STAU2: variants seen among roughly 807,000 people sequenced by gnomAD.
The protein encoded by STAU2 is double-stranded RNA-binding protein Staufen homolog 2.
STAU2 carries 20 observed loss-of-function variants against 65.9 expected under a neutral mutation model. That is an observed-to-expected ratio of 0.30 (90% CI 0.21 to 0.44). The LOEUF (loss-of-function observed/expected upper bound fraction) is 0.44, where lower values mean the gene tolerates loss of function less well. Among genes scored for constraint, STAU2 ranks in the 20% least tolerant of loss-of-function variants. The probability of loss-of-function intolerance (pLI) is 1.00; values close to 1 mark genes in which losing one functional copy is unlikely to be tolerated. For missense variants in STAU2, 558 were observed against 683.9 expected, an observed-to-expected ratio of 0.82 and a Z score of 2.05; for synonymous variants, 232 against 233.9, an observed-to-expected ratio of 0.99 and a Z score of 0.07.
chr8:73,564,602 C>T (rs1808464824), intron 12 of STAU2, among the ~76,000 whole-genome samples: 1 of 151,854 alleles, frequency 6.6e-6, no homozygotes, highest in African/African-American at 2.4e-5. Flanking sequence ...TATGACAAGC[C>T]CCCATGACAC....
chr8:73,421,342 TGCGG>T lies in STAU2; in HGVS notation c.*26_*29del, dbSNP rs1463074313. ...ATGCGTGCTGACAGGTTTATAAGGA[TGCGG>T]TGGCAGCCGCGGGTTCTGGGAGCTG... On this transcript the variant is annotated 3_prime_UTR_variant, in exon 15 of 15. Coordinates refer to ENST00000524300, the MANE Select transcript of STAU2 (RefSeq NM_001164380.2). 7.8e-6 allele frequency: 12 copies of T among 1,530,928 alleles called. No individual in the cohort carries two copies. The highest frequency in any genetic ancestry group is 1.4e-5 in the African/African-American group (1 of 72,948). The allele number at this position is 1,530,928 out of a possible 1,614,324, so 94.8% of individuals were successfully genotyped here. A position where few individuals can be genotyped will look rare whatever the true frequency, so the allele number is the denominator to read the frequency against.
In STAU2 at chr8:73,670,209, T is replaced by C. The variant is rs540701587; in HGVS notation, c.410+2898A>G. Among the ~76,000 whole-genome samples, 78 of 152,206 alleles carry C rather than the reference T, an allele frequency of 5.1e-4. 1 individual carries two copies. The highest frequency in any genetic ancestry group is 3.5e-4 in the Non-Finnish European group (24 of 68,004). On this transcript the variant is annotated intron_variant, in intron 6 of 14. Coordinates refer to ENST00000524300, the MANE Select transcript of STAU2 (RefSeq NM_001164380.2). ...GTTGTCCCTTGTGCCTCCTATGCGG[T>C]GTGGACACCAAGCTGAGGGCTGGGA...
At chr8:73,575,825 A>AAACC (rs1554544010) in intron 12 of STAU2, among the ~76,000 whole-genome samples, 1 of 151,872 alleles carries the variant, frequency 6.6e-6, no homozygotes, top group Non-Finnish European at 1.5e-5. Flanking sequence ...CACACACAAA[A>AAACC]AACCACAAGT....
chr8:73,459,671 G>A (rs1022654137), intron 13 of STAU2, among the ~76,000 whole-genome samples: 1 of 152,084 alleles, frequency 6.6e-6, no homozygotes, highest in Admixed American at 6.6e-5. Flanking sequence ...TCAAGCTCAC[G>A]CAGCTCCGCC....
At chr8:73,635,666 A>C (rs1814439338) in intron 6 of STAU2, among the ~76,000 whole-genome samples, 2 of 152,030 alleles carry the variant, frequency 1.3e-5, no homozygotes, top group African/African-American at 2.4e-5. Context: ...CTCTATTAAA[A>C]ATTTAAAAAT....
chr8:73,743,466 A>ATT (rs10564049), intron 1 of STAU2, among the ~76,000 whole-genome samples: 27 of 93,978 alleles, frequency 2.9e-4, no homozygotes, highest in South Asian at 9.9e-4. Context: ...CTTCTTTTTA[A>ATT]TTTTTTTTTT....
At chr8:73,541,946 A>G (rs568141129) in intron 13 of STAU2, among the ~76,000 whole-genome samples, 7 of 152,194 alleles carry the variant, frequency 4.6e-5, no homozygotes, top group Non-Finnish European at 8.8e-5. Context: ...CTGTGGGAGA[A>G]TAACAGGAGA....
At chr8:73,584,931 T>C (rs1464915803) in intron 11 of STAU2, among the ~76,000 whole-genome samples, 1 of 152,202 alleles carries the variant, frequency 6.6e-6, no homozygotes, top group African/African-American at 2.4e-5. Flanking sequence ...GTATGTTCAA[T>C]TTTTCTTTTA....
chr8:73,625,915 G>T (rs78750248), intron 6 of STAU2, among the ~76,000 whole-genome samples: 1 of 152,084 alleles, frequency 6.6e-6, no homozygotes, highest in East Asian at 1.9e-4. Context: ...TTACTGACCT[G>T]GTCTTCTTCC....
At chr8:73,486,288 G>A (rs1563620678) in intron 13 of STAU2, among the ~76,000 whole-genome samples, 1 of 151,904 alleles carries the variant, frequency 6.6e-6, no homozygotes. Context: ...TTCATTAAAG[G>A]TACATATAAA....
chr8:73,553,596 T>C (rs1445113068), intron 12 of STAU2, among the ~76,000 whole-genome samples: 2 of 152,064 alleles, frequency 1.3e-5, no homozygotes, highest in Non-Finnish European at 2.9e-5. Flanking sequence ...GCCTTTAACA[T>C]AGCATGAATA....
chr8:73,562,613 C>T (rs1015291592), intron 12 of STAU2, among the ~76,000 whole-genome samples: 1 of 152,196 alleles, frequency 6.6e-6, no homozygotes, highest in African/African-American at 2.4e-5. Context: ...ATATTAGGTT[C>T]ACACAAAGAA....
At chr8:73,705,069 C>T (rs1820413705) in intron 4 of STAU2, among the ~76,000 whole-genome samples, 1 of 152,162 alleles carries the variant, frequency 6.6e-6, no homozygotes, top group Admixed American at 6.5e-5. Context: ...ATAGTAAATA[C>T]TCAACAGACC....
At chr8:73,547,507 T>C (rs1807014328) in intron 13 of STAU2, among the ~76,000 whole-genome samples, 1 of 152,178 alleles carries the variant, frequency 6.6e-6, no homozygotes, top group Admixed American at 6.5e-5. Context: ...TCAGTTTGCA[T>C]GAACTGGGGC....
chr8:73,476,674 A>G (rs910923275), intron 13 of STAU2, among the ~76,000 whole-genome samples: 5 of 152,216 alleles, frequency 3.3e-5, no homozygotes, highest in African/African-American at 1.2e-4. Flanking sequence ...AACAACGTAA[A>G]TATCGAGGCA....
chr8:73,663,780 A>G (rs1052622551), intron 6 of STAU2, among the ~76,000 whole-genome samples: 2 of 152,064 alleles, frequency 1.3e-5, no homozygotes, highest in Admixed American at 1.3e-4. Flanking sequence ...TACCTATTTT[A>G]TTAAATTTAT....
intron 13 of STAU2, among the ~76,000 whole-genome samples, chr8:73,540,009 C>T (rs1052967709): frequency 7.9e-5 from 12 of 151,270 alleles, no homozygotes; most frequent in East Asian, 3.9e-4. Flanking sequence ...AAAAAATGGC[C>T]GAAAATTTCC....
At chr8:73,697,682 A>G (rs1300600453) in intron 4 of STAU2, among the ~76,000 whole-genome samples, 2 of 152,240 alleles carry the variant, frequency 1.3e-5, no homozygotes, top group Non-Finnish European at 2.9e-5. Flanking sequence ...AAAAGCTGGC[A>G]GCGGGGACAA....
intron 5 of STAU2, among the ~76,000 whole-genome samples, chr8:73,677,286 A>G (rs561224292): frequency 6.6e-6 from 1 of 152,196 alleles, no homozygotes; most frequent in Non-Finnish European, 1.5e-5. Flanking sequence ...GTAAACTGAC[A>G]TTCTTTGACA....
Sources: allele counts gnomAD v4.1 joint callset (sites outside exome capture counted in the v4.1 genomes callset), GRCh38; gene constraint gnomAD v4.1.1; transcripts MANE v1.5; gene names NCBI Gene and HGNC (gene_info 2026-07-23, HGNC 2026-07-21).